PNPLA7: variants seen among roughly 807,000 people sequenced by gnomAD.
The protein encoded by PNPLA7 is patatin-like phospholipase domain-containing protein 7.
PNPLA7 carries 153 observed loss-of-function variants against 161.7 expected under a neutral mutation model. That is an observed-to-expected ratio of 0.95 (90% confidence interval 0.83 to 1.08). The LOEUF (loss-of-function observed/expected upper bound fraction) is 1.08, where lower values mean the gene tolerates loss of function less well. Among genes scored for constraint, PNPLA7 ranks in the 50% least tolerant of loss-of-function variants. The pLI, the probability that PNPLA7 is intolerant of heterozygous loss-of-function variation, is 0.00. For synonymous variants in PNPLA7, 809 were observed against 782.1 expected, an observed-to-expected ratio of 1.03 and a Z score of -0.57; for missense variants, 1,739 against 1,856.6, an observed-to-expected ratio of 0.94 and a Z score of 1.16.
Position 137,522,808 on chromosome 9 carries a change from G to A in PNPLA7, c.797C>T (p.Ser266Phe). ...CGCAGCTGGAAGCCGGAGGATGGTG[G>A]ACGGGATGGCCGCGCGGACGGAGAC... ...KTVSVRAAIPSTILRLPAAAF... is the reference protein window; with the variant it reads ...KTVSVRAAIPFTILRLPAAAF... Residue 266 changes from serine (S) to phenylalanine (F), a missense_variant, in exon 9 of 35, where the codon TCC becomes TTC. By Grantham distance (155) the Ser-to-Phe change is radical. This residue lies in a region of PNPLA7 where 152 missense variants were observed against 193.5 expected (regional missense o/e 0.79). Coordinates refer to ENST00000406427, the MANE Select transcript of PNPLA7 (RefSeq NM_001098537.3). 1.9e-6 allele frequency: 3 copies of A among 1,613,832 alleles called. No individual in the cohort carries two copies. The highest frequency in any genetic ancestry group is 2.5e-6 in the Non-Finnish European group (3 of 1,180,000).
intron 25 of PNPLA7, among the ~76,000 whole-genome samples, chr9:137,472,516 T>C (rs1831751362): frequency 6.6e-6 from 1 of 150,856 alleles, no homozygotes; most frequent in Non-Finnish European, 1.5e-5. Flanking sequence ...CTGGGTGTGC[T>C]GGTAGGTGCC....
chr9:137,543,685 G>C lies in PNPLA7; in HGVS notation c.365+39C>G. On this transcript the variant is annotated intron_variant, in intron 5 of 34. Transcript: ENST00000406427. This position sits in a 1 kb window ranked among gnomAD's most constrained non-coding sequence, Gnocchi z 6.9. Reference sequence around the variant, plus strand: ...GTTGGGGAGGCCAGCACCATGGGGGGCACCTGGGGCAGGATGTGGTCTGAA... The same window carrying C: ...GTTGGGGAGGCCAGCACCATGGGGGCCACCTGGGGCAGGATGTGGTCTGAA... 6.2e-7 allele frequency: 1 copy of C among 1,611,314 alleles called. No homozygotes were observed. Among genetic ancestry groups the C allele is most frequent in the South Asian group, 1.1e-5 (1 of 91,004 alleles).
At chr9:137,533,542 C>A (rs1013800481) in intron 8 of PNPLA7, among the ~76,000 whole-genome samples, 2 of 149,746 alleles carry the variant, frequency 1.3e-5, no homozygotes, top group South Asian at 4.2e-4. Flanking sequence ...GGAGCACCCC[C>A]AGAATCCTCC....
intron 27 of PNPLA7, 32 bp downstream of exon 27, chr9:137,464,308 G>T: frequency 2.5e-6 from 4 of 1,607,348 alleles, no homozygotes; most frequent in African/African-American, 1.3e-5. Context: ...AGGCACTGGG[G>T]GCTGCATGGG....
intron 20 of PNPLA7, chr9:137,491,493 G>A (rs983523834): frequency 2.5e-5 from 25 of 981,990 alleles, no homozygotes; most frequent in Middle Eastern, 5.2e-4. Context: ...AGTGGAGAGC[G>A]AAGAGTCACA....
Position 137,520,169 on chromosome 9 carries a change from A to T in PNPLA7, c.958-126T>A. ...GGTGTGACAGGTGTGGGCCCCTCAA[A>T]GGTGTGACAGGTGTGGGACTCTCAA... On this transcript the variant is annotated intron_variant, in intron 10 of 34. Coordinates refer to ENST00000406427, the MANE Select transcript of PNPLA7 (RefSeq NM_001098537.3). The surrounding 1 kb of genome is among the most constrained non-coding windows in gnomAD (Gnocchi z 5.2). 7.6e-7 allele frequency: 1 copy of T among 1,317,664 alleles called. No homozygotes were observed. The highest frequency in any genetic ancestry group is 1.4e-5 in the South Asian group (1 of 72,802). 81.6% of individuals were successfully genotyped at this position (1,317,664 alleles called of 1,614,324 possible).
rs541569400 is a variant in PNPLA7 at position 137,522,212 on chromosome 9, C to T, written c.877-496G>A. Among the ~76,000 whole-genome samples, 121 of 152,278 alleles carry T rather than the reference C, an allele frequency of 7.9e-4. No individual in the cohort carries two copies. The Middle Eastern group carries it at 0.027, about 34-fold the overall frequency. On this transcript the variant is annotated intron_variant, in intron 9 of 34. Coordinates refer to ENST00000406427, the MANE Select transcript of PNPLA7 (RefSeq NM_001098537.3). ...GCCTCAGCCTCCCGAGTAGCTGGGA[C>T]TACAGGCGCCCGCCACCACGCCTGG...
At chr9:137,475,360 G>A (rs1831900458) in intron 25 of PNPLA7, among the ~76,000 whole-genome samples, 1 of 152,156 alleles carries the variant, frequency 6.6e-6, no homozygotes, top group South Asian at 2.1e-4. Context: ...GGGCAACAAA[G>A]CGAGACCTTG....
chr9:137,494,722 C>T (rs548891980), intron 19 of PNPLA7, among the ~76,000 whole-genome samples: 7 of 147,654 alleles, frequency 4.7e-5, no homozygotes, highest in African/African-American at 1.3e-4. Flanking sequence ...ACCTGCTCTG[C>T]GCCCTCACCA....
intron 20 of PNPLA7, chr9:137,491,883 C>A: frequency 1.0e-6 from 1 of 985,350 alleles, no homozygotes; most frequent in Non-Finnish European, 1.2e-6. Flanking sequence ...AAAAAGGAAG[C>A]GGAAAGGGAG....
intron 14 of PNPLA7, among the ~76,000 whole-genome samples, chr9:137,502,373 A>G (rs962440547): frequency 1.3e-5 from 2 of 151,958 alleles, no homozygotes; most frequent in African/African-American, 4.8e-5. Flanking sequence ...AATGATCGAA[A>G]AACAAACCAT....
At position 137,463,397 on chromosome 9, in the gene PNPLA7, GT is replaced by G; in HGVS notation, c.3343+17del. The G allele has an allele frequency of 1.3e-5, 20 of 1,587,378 alleles. No individual in the cohort carries two copies. Among genetic ancestry groups the G allele is most frequent in the Non-Finnish European group, 1.7e-5 (20 of 1,163,722 alleles). On this transcript the variant is annotated intron_variant, in intron 29 of 34. Transcript: ENST00000406427. ...GGAGCCTGTGCTCCTGCCGGGCGTG[GT>G]CCCCCCACCGCAGTACCTGGGAGGT...
rs139085607 is a variant in PNPLA7, at chr9:137,497,028, C to T, written c.2013+159G>A. Among the ~76,000 whole-genome samples, 413 of 152,278 alleles carry T rather than the reference C, an allele frequency of 2.7e-3. 1 individual carries two copies. The highest frequency in any genetic ancestry group is 9.4e-3 in the African/African-American group (389 of 41,556). ...GAGTCCCCCCAATGGAGGCAGAGCC[C>T]GGGGCTCACAGCAAAGCGGCTGCGG... On this transcript the variant is annotated intron_variant, in intron 18 of 34. Transcript: ENST00000406427.
At chr9:137,550,080 C>T (rs147208368) in intron 1 of PNPLA7, 88 bp downstream of exon 1, 2 of 1,536,948 alleles carry the variant, frequency 1.3e-6, no homozygotes, top group African/African-American at 2.7e-5. Context: ...AAGAGCGCGG[C>T]AGAGCAGACG....
chr9:137,507,768 C>G (rs987880627), intron 12 of PNPLA7, among the ~76,000 whole-genome samples: 2 of 152,214 alleles, frequency 1.3e-5, no homozygotes, highest in African/African-American at 4.8e-5. Context: ...AAATAAAATA[C>G]GGGGGCCAGG....
At chr9:137,484,475 G>A (rs1044002213) in intron 21 of PNPLA7, 112 bp downstream of exon 21, 7 of 1,240,662 alleles carry the variant, frequency 5.6e-6, no homozygotes, top group Non-Finnish European at 7.5e-6. Context: ...GACCCCAACT[G>A]AGCCCTGCCC....
intron 23 of PNPLA7, 159 bp from the exon 24 acceptor site, chr9:137,479,397 G>A (rs925209491): frequency 7.6e-7 from 1 of 1,312,792 alleles, no homozygotes; most frequent in Non-Finnish European, 9.7e-7. Context: ...CCTTGGCGCT[G>A]CCGAAGCTCT....
rs770265338 is a variant in PNPLA7 at position 137,522,835 on chromosome 9, G to A, written c.770C>T (p.Thr257Met). 1.6e-5 allele frequency: 26 copies of A among 1,613,456 alleles called. No individual in the cohort carries two copies. The highest frequency in any genetic ancestry group is 4.4e-5 in the South Asian group (4 of 91,080). The change falls in exon 9 of 35, where the codon ACG (threonine) becomes ATG (methionine). Residue 257 changes from threonine (T) to methionine (M), a missense_variant. By Grantham distance (81) the Thr-to-Met change is moderately conservative (BLOSUM62 -1). Coordinates refer to ENST00000406427, the MANE Select transcript of PNPLA7 (RefSeq NM_001098537.3). Reference protein sequence around the residue: ...IITGHAAPYKTVSVRAAIPST... With the variant: ...IITGHAAPYKMVSVRAAIPST... ...CGGGATGGCCGCGCGGACGGAGACC[G>A]TTTTGTAAGGTGCAGCATGGCCCTG...
Position 137,486,727 on chromosome 9 carries a change from G to A in PNPLA7, c.2198-1991C>T, listed in dbSNP as rs1832503946. On this transcript the variant is annotated intron_variant, in intron 20 of 34. Coordinates refer to ENST00000406427, the MANE Select transcript of PNPLA7 (RefSeq NM_001098537.3). This position sits in a 1 kb window ranked among gnomAD's most constrained non-coding sequence, Gnocchi z 6.0. ...GCCCAGCCTTGGGGTGGCTTCAGCC[G>A]CCTGCTTGAGAGGACGCTCTGTGCA... Among the ~76,000 whole-genome samples, 3 of 152,082 alleles carry A rather than the reference G, an allele frequency of 2.0e-5. No individual in the cohort carries two copies. Among genetic ancestry groups the A allele is most frequent in the Admixed American group, 2.0e-4 (3 of 15,284 alleles).
Sources: gnomAD v4.1 joint callset for allele counts (sites outside exome capture counted in the v4.1 genomes callset) on GRCh38, gnomAD v4.1.1 for gene constraint, gnomAD v4.1.1 regional missense constraint, Gnocchi (gnomAD v3.1) non-coding constraint, MANE v1.5 for transcripts, NCBI Gene and HGNC (gene_info 2026-07-23, HGNC 2026-07-21) for gene names.